The following FSTL4 variants were observed in gnomAD, a reference collection of about 807,000 sequenced individuals.
FSTL4 encodes the protein follistatin like 4.
A neutral mutation model predicts 78.2 loss-of-function variants in FSTL4; 28 were observed. That is an observed-to-expected ratio of 0.36 (90% confidence interval 0.27 to 0.49). The LOEUF (loss-of-function observed/expected upper bound fraction) is 0.49. Among genes scored for constraint, FSTL4 ranks in the 20% least tolerant of loss-of-function variants. The pLI, the probability that FSTL4 is intolerant of heterozygous loss-of-function variation, is 0.98. For synonymous variants in FSTL4, 422 were observed against 440.5 expected (o/e 0.96, Z 0.53); for missense variants, 922 against 1,084.9 (o/e 0.85, Z 2.11).
At chr5:133,726,699 C>G in the FSTL4 span, among the ~76,000 whole-genome samples, 1 of 152,068 alleles carries the variant, frequency 6.6e-6, no homozygotes. Flanking sequence ...AATACAGCCC[C>G]TTGTATGGAA....
At chr5:133,714,447 G>A in the FSTL4 span, among the ~76,000 whole-genome samples, 1 of 152,146 alleles carries the variant, frequency 6.6e-6, no homozygotes, top group Admixed American at 6.5e-5. Flanking sequence ...GAAGCCCGGC[G>A]ATCTCACCAG....
chr5:133,662,320 G>T, the FSTL4 span, among the ~76,000 whole-genome samples: 2 of 152,020 alleles, frequency 1.3e-5, no homozygotes, highest in African/African-American at 2.4e-5. Flanking sequence ...TCCATTTACA[G>T]TTGAAATGCT....
the FSTL4 span, among the ~76,000 whole-genome samples, chr5:133,789,333 C>T: frequency 2.0e-5 from 3 of 152,194 alleles, no homozygotes; most frequent in African/African-American, 7.2e-5. Flanking sequence ...TGACTTTGAA[C>T]TCTTAATATC....
chr5:133,449,539 A>G (rs1757339081), intron 3 of FSTL4, among the ~76,000 whole-genome samples: 1 of 152,186 alleles, frequency 6.6e-6, no homozygotes, highest in South Asian at 2.1e-4. Flanking sequence ...GACCCAATAA[A>G]GCAACCAGGA....
chr5:133,744,732 G>A, the FSTL4 span, among the ~76,000 whole-genome samples: 1 of 152,088 alleles, frequency 6.6e-6, no homozygotes, highest in East Asian at 1.9e-4. Flanking sequence ...GGCATGCACC[G>A]GACTAAGATG....
chr5:133,820,512 T>C, the FSTL4 span, among the ~76,000 whole-genome samples: 2 of 152,226 alleles, frequency 1.3e-5, no homozygotes, highest in Non-Finnish European at 2.9e-5. Context: ...ACTCCACTTA[T>C]GTATATTTTT....
At chr5:133,835,523 T>G in the FSTL4 span, among the ~76,000 whole-genome samples, 1 of 152,224 alleles carries the variant, frequency 6.6e-6, no homozygotes, top group Non-Finnish European at 1.5e-5. Flanking sequence ...AACACTTGGA[T>G]GTAGCAGTAT....
At chr5:133,688,345 G>A in the FSTL4 span, among the ~76,000 whole-genome samples, 5 of 152,048 alleles carry the variant, frequency 3.3e-5, no homozygotes, top group Admixed American at 1.3e-4. Context: ...CCCAGGAAGC[G>A]GAGGTTGTAG....
At chr5:133,712,614 T>C in the FSTL4 span, among the ~76,000 whole-genome samples, 1 of 152,184 alleles carries the variant, frequency 6.6e-6, no homozygotes, top group African/African-American at 2.4e-5. Context: ...AATTTCACTT[T>C]GAGAAACACA....
At chr5:133,646,705 A>G in the FSTL4 span, among the ~76,000 whole-genome samples, 18 of 152,148 alleles carry the variant, frequency 1.2e-4, no homozygotes, top group Admixed American at 6.5e-4. Flanking sequence ...ATGGGATATG[A>G]GAGAAAGACA....
At chr5:133,624,145 C>T in the FSTL4 span, among the ~76,000 whole-genome samples, 8,750 of 151,952 alleles carry the variant, frequency 0.058, 320 homozygotes, top group South Asian at 0.17. Context: ...AAAATTTGCA[C>T]ATGAATGTTC....
intron 3 of FSTL4, among the ~76,000 whole-genome samples, chr5:133,552,857 A>C (rs1015553929): frequency 1.3e-5 from 2 of 152,208 alleles, no homozygotes; most frequent in Non-Finnish European, 2.9e-5. Context: ...TCATAAAGAA[A>C]CAGGGGATGA....
chr5:133,221,913 T>TG (rs1561626837), intron 11 of FSTL4, among the ~76,000 whole-genome samples: 11 of 97,840 alleles, frequency 1.1e-4, no homozygotes, highest in South Asian at 3.2e-4. Context: ...TTTTTTTTTT[T>TG]TTTTTTTTTT....
At chr5:133,227,921 T>A (rs1002015653) in intron 8 of FSTL4, among the ~76,000 whole-genome samples, 4 of 152,198 alleles carry the variant, frequency 2.6e-5, no homozygotes, top group African/African-American at 9.6e-5. Flanking sequence ...CTCAGTGAAA[T>A]GGATCATTTA....
chr5:133,641,867 T>TTTC, the FSTL4 span, among the ~76,000 whole-genome samples: 1 of 151,986 alleles, frequency 6.6e-6, no homozygotes, highest in African/African-American at 2.4e-5. Flanking sequence ...CTTACCTTTC[T>TTTC]TTCTTCTTCT....
At chr5:133,561,621 C>T (rs1580790353) in intron 3 of FSTL4, among the ~76,000 whole-genome samples, 1 of 152,144 alleles carries the variant, frequency 6.6e-6, no homozygotes, top group East Asian at 1.9e-4. Flanking sequence ...ATCCTTTTAT[C>T]AGCTGTTCTT....
chr5:133,740,871 G>A, the FSTL4 span, among the ~76,000 whole-genome samples: 1 of 152,242 alleles, frequency 6.6e-6, no homozygotes, highest in South Asian at 2.1e-4. Flanking sequence ...CCCCGTGCAG[G>A]ACCATCTGGG....
At chr5:133,532,905 T>C (rs1056289181) in intron 3 of FSTL4, among the ~76,000 whole-genome samples, 1 of 151,920 alleles carries the variant, frequency 6.6e-6, no homozygotes, top group Non-Finnish European at 1.5e-5. Flanking sequence ...AGAAAAACCA[T>C]TCAGAGGACA....
At chr5:133,308,075 C>T (rs374822853) in intron 6 of FSTL4, among the ~76,000 whole-genome samples, 20 of 152,330 alleles carry the variant, frequency 1.3e-4, no homozygotes, top group Admixed American at 2.0e-4. Flanking sequence ...CCACCGTGCC[C>T]GGCCTTGTCT....
Sources: gnomAD v4.1 joint callset for allele counts (sites outside exome capture counted in the v4.1 genomes callset) on GRCh38, gnomAD v4.1.1 for gene constraint, MANE v1.5 for transcripts, NCBI Gene and HGNC (gene_info 2026-07-23, HGNC 2026-07-21) for gene names.